Variants in ASAP1 observed in about 807,000 individuals in gnomAD.
ASAP1 encodes ArfGAP with SH3 domain, ankyrin repeat and PH domain 1.
A neutral mutation model predicts 145.2 loss-of-function variants in ASAP1; 43 were observed. The ratio of observed to expected loss-of-function variants is 0.30; its 90% CI spans 0.23 to 0.38. The LOEUF (loss-of-function observed/expected upper bound fraction) is 0.38. Among genes scored for constraint, ASAP1 ranks in the 10% least tolerant of loss-of-function variants. The probability of loss-of-function intolerance (pLI) is 1.00; values close to 1 mark genes in which losing one functional copy is unlikely to be tolerated. For synonymous variants in ASAP1, 546 were observed against 515.5 expected, an observed-to-expected ratio of 1.06 and a Z score of -0.80; for missense variants, 1,018 against 1,355.3, an observed-to-expected ratio of 0.75 and a Z score of 3.91.
intron 3 of ASAP1, among the ~76,000 whole-genome samples, chr8:130,322,042 T>C (rs1824039059): frequency 6.6e-6 from 1 of 152,226 alleles, no homozygotes; most frequent in Admixed American, 6.5e-5. Flanking sequence ...ATGCAAATCA[T>C]AAATGTAATG....
At chr8:130,154,852 C>A in intron 12 of ASAP1, among the ~76,000 whole-genome samples, 1 of 152,300 alleles carries the variant, frequency 6.6e-6, no homozygotes, top group South Asian at 2.1e-4. Context: ...GATAAACCAT[C>A]CTCAAATAAG....
chr8:130,088,514 A>T (rs2097498701), intron 25 of ASAP1, among the ~76,000 whole-genome samples: 1 of 152,174 alleles, frequency 6.6e-6, no homozygotes, highest in Non-Finnish European at 1.5e-5. Context: ...ATGACCATGA[A>T]GGCAGAGGCT....
chr8:130,075,573 C>G (rs1253288641), intron 27 of ASAP1, among the ~76,000 whole-genome samples: 1 of 152,196 alleles, frequency 6.6e-6, no homozygotes, highest in Admixed American at 6.5e-5. Context: ...GCTGGCCTTG[C>G]AGGCTTATAG....
intron 3 of ASAP1, among the ~76,000 whole-genome samples, chr8:130,290,502 G>A (rs911335630): frequency 6.6e-6 from 1 of 152,176 alleles, no homozygotes; most frequent in Non-Finnish European, 1.5e-5. Context: ...CTGGAAAGAG[G>A]AGTGACCCTG....
At chr8:130,337,991 A>G (rs1368583155) in intron 3 of ASAP1, among the ~76,000 whole-genome samples, 1 of 152,214 alleles carries the variant, frequency 6.6e-6, no homozygotes, top group Admixed American at 6.5e-5. Flanking sequence ...GCTTCACAAC[A>G]ATCGTTGAAA....
At chr8:130,250,515 T>C (rs1819127190) in intron 3 of ASAP1, among the ~76,000 whole-genome samples, 1 of 152,170 alleles carries the variant, frequency 6.6e-6, no homozygotes, top group South Asian at 2.1e-4. Context: ...GGAATACAAG[T>C]GGTAAGCCAT....
At chr8:130,204,791 C>T (rs529914745) in intron 5 of ASAP1, among the ~76,000 whole-genome samples, 11 of 152,152 alleles carry the variant, frequency 7.2e-5, no homozygotes, top group Non-Finnish European at 1.5e-4. Context: ...GAAAATAAAC[C>T]ATGTTAAGCC....
intron 4 of ASAP1, among the ~76,000 whole-genome samples, chr8:130,230,815 C>T (rs573319956): frequency 5.1e-4 from 78 of 152,252 alleles, no homozygotes; most frequent in African/African-American, 1.6e-3. Context: ...TGCTTTTGTA[C>T]ACCTTGTGAC....
intron 15 of ASAP1, among the ~76,000 whole-genome samples, chr8:130,133,244 C>A (rs6470804): frequency 0.69 from 104,273 of 152,020 alleles, 35,843 homozygotes; most frequent in South Asian, 0.78. Context: ...TGCCTTTTTC[C>A]GTCTAGACAG....
At chr8:130,423,174 G>C (rs1197527393) in intron 1 of ASAP1, among the ~76,000 whole-genome samples, 2 of 152,080 alleles carry the variant, frequency 1.3e-5, no homozygotes. Flanking sequence ...GTCAATCTCG[G>C]CTCACTGCAA....
chr8:130,324,190 T>C (rs1025367238), intron 3 of ASAP1, among the ~76,000 whole-genome samples: 2 of 152,202 alleles, frequency 1.3e-5, no homozygotes, highest in Non-Finnish European at 2.9e-5. Context: ...TCCCTGGTCC[T>C]GCCAGAAGCA....
At chr8:130,221,645 C>T (rs1037682690) in intron 4 of ASAP1, among the ~76,000 whole-genome samples, 3 of 152,042 alleles carry the variant, frequency 2.0e-5, no homozygotes, top group Non-Finnish European at 4.4e-5. Flanking sequence ...ATTTCTTTTC[C>T]GTGAGGCCCC....
At chr8:130,227,419 A>AT (rs561099497) in intron 4 of ASAP1, among the ~76,000 whole-genome samples, 13 of 148,622 alleles carry the variant, frequency 8.7e-5, no homozygotes, top group South Asian at 2.1e-4. Flanking sequence ...TGCCCAGCTA[A>AT]TTTTTTTTTT....
intron 3 of ASAP1, among the ~76,000 whole-genome samples, chr8:130,322,200 G>A (rs1405034756): frequency 6.6e-6 from 1 of 152,006 alleles, no homozygotes; most frequent in Non-Finnish European, 1.5e-5. Flanking sequence ...AGAAGGCTAT[G>A]TAGGTATGCA....
At chr8:130,252,885 T>C (rs1034642465) in intron 3 of ASAP1, among the ~76,000 whole-genome samples, 2 of 152,146 alleles carry the variant, frequency 1.3e-5, no homozygotes, top group African/African-American at 4.8e-5. Context: ...TGGAAAGAAG[T>C]TTCCTGAGTC....
At chr8:130,074,486 C>CAGAGAG (rs1554816937) in intron 27 of ASAP1, among the ~76,000 whole-genome samples, 4 of 140,484 alleles carry the variant, frequency 2.8e-5, no homozygotes, top group Non-Finnish European at 6.2e-5. Flanking sequence ...CACACACACA[C>CAGAGAG]AGAGAGAACG....
At chr8:130,421,061 C>G (rs916928714) in intron 1 of ASAP1, among the ~76,000 whole-genome samples, 2 of 152,096 alleles carry the variant, frequency 1.3e-5, no homozygotes, top group Non-Finnish European at 2.9e-5. Context: ...TTGTTGGACC[C>G]GAATCTCAGC....
intron 15 of ASAP1, among the ~76,000 whole-genome samples, chr8:130,129,315 G>A (rs915481250): frequency 6.6e-6 from 1 of 152,148 alleles, no homozygotes; most frequent in African/African-American, 2.4e-5. Context: ...TTAAATATAT[G>A]TATGTAATAA....
intron 27 of ASAP1, among the ~76,000 whole-genome samples, chr8:130,072,276 G>T (rs1364927645): frequency 1.3e-5 from 2 of 152,126 alleles, no homozygotes; most frequent in South Asian, 2.1e-4. Context: ...TTGAATTGTA[G>T]CCCCCATAAT....
Sources: gnomAD v4.1 joint callset for allele counts (sites outside exome capture counted in the v4.1 genomes callset) on GRCh38, gnomAD v4.1.1 for gene constraint, MANE v1.5 for transcripts, NCBI Gene and HGNC (gene_info 2026-07-23, HGNC 2026-07-21) for gene names.